ETV1: variants seen among roughly 807,000 people sequenced by gnomAD.
ETV1 encodes the protein ETS translocation variant 1.
ETV1 carries 27 observed loss-of-function variants against 62.3 expected under a neutral mutation model. That is an observed-to-expected ratio of 0.43 (90% confidence interval 0.32 to 0.60). ETV1 has a LOEUF of 0.60. Ranked by LOEUF, ETV1 falls within the 20% of genes least tolerant of loss-of-function variation. The probability of loss-of-function intolerance (pLI) is 0.06; values close to 1 mark genes in which losing one functional copy is unlikely to be tolerated. For missense variants in ETV1, 605 were observed against 605.8 expected (o/e 1.00, Z 0.01); for synonymous variants, 222 against 199.6 (o/e 1.11, Z -0.94).
At chr7:13,963,996 C>A (rs1790482536) in intron 6 of ETV1, among the ~76,000 whole-genome samples, 4 of 152,160 alleles carry the variant, frequency 2.6e-5, no homozygotes. Flanking sequence ...AATACAGGAA[C>A]ATGGAGATTT....
chr7:13,990,483 G>C (rs892625486), upstream of ETV1: 4 of 152,312 alleles, frequency 2.6e-5, no homozygotes, highest in East Asian at 1.9e-4. Flanking sequence ...GGGGTTGCTC[G>C]TATATCCTAG....
chr7:13,991,419 A>T (rs943264162), upstream of ETV1: 13 of 152,236 alleles, frequency 8.5e-5, no homozygotes, highest in Admixed American at 2.0e-4. Context: ...TCCCGCAGCC[A>T]ATAACGAGCC....
At chr7:13,984,164 G>A (rs910181387) in intron 5 of ETV1, among the ~76,000 whole-genome samples, 1 of 151,938 alleles carries the variant, frequency 6.6e-6, no homozygotes, top group African/African-American at 2.4e-5. Flanking sequence ...TAACTTCCCA[G>A]TGGAATTCTA....
chr7:13,985,682 C>T (rs1782480747), intron 5 of ETV1, among the ~76,000 whole-genome samples: 1 of 152,132 alleles, frequency 6.6e-6, no homozygotes, highest in African/African-American at 2.4e-5. Flanking sequence ...GTTATACACT[C>T]AATGCTTAAA....
At chr7:13,977,982 ATGCT>A (rs1271439403) in intron 5 of ETV1, among the ~76,000 whole-genome samples, 1 of 152,172 alleles carries the variant, frequency 6.6e-6, no homozygotes, top group Non-Finnish European at 1.5e-5. Context: ...ATATTTTAAG[ATGCT>A]TGCACTGAAT....
rs1305484989 is a variant in ETV1 at position 13,984,510 on chromosome 7, A to G, written c.181+2128T>C. On this transcript the variant is annotated intron_variant, in intron 5 of 13. Coordinates refer to ENST00000430479, the MANE Select transcript of ETV1 (RefSeq NM_004956.5). ...GTGGAGTCTAGAAACAAGAAGTTAA[A>G]AAGATCTCTTTTCTCACTATTAGGT... is the stretch of plus-strand genomic sequence containing the variant. Among the ~76,000 whole-genome samples the G allele has an allele frequency of 5.9e-5, 9 of 152,038 alleles. No homozygotes were observed. The East Asian group carries it at 1.7e-3, about 29-fold the overall frequency.
chr7:13,937,682 T>A lies in ETV1; in HGVS notation c.365+1435A>T, dbSNP rs146334305. Among the ~76,000 whole-genome samples, 678 of 152,328 alleles carry A rather than the reference T, an allele frequency of 4.5e-3. 2 individuals carry two copies. The highest frequency in any genetic ancestry group is 6.9e-3 in the Non-Finnish European group (469 of 68,034). ...TTATGCTGTGGATACACAGTACTTG[T>A]AAGGAGAAAATGCAAAAACAAAACT... On this transcript the variant is annotated intron_variant, in intron 7 of 13. Coordinates refer to ENST00000430479, the MANE Select transcript of ETV1 (RefSeq NM_004956.5).
chr7:13,989,100 T>G lies in ETV1; in HGVS notation c.-48A>C, dbSNP rs772377584. 2 of 1,520,914 alleles carry G rather than the reference T, an allele frequency of 1.3e-6. No homozygotes were observed. The highest frequency in any genetic ancestry group is 1.8e-6 in the Non-Finnish European group (2 of 1,112,304). The allele number at this position is 1,520,914 out of a possible 1,614,324, so 94.2% of individuals were successfully genotyped here. A position where few individuals can be genotyped will look rare whatever the true frequency, so the allele number is the denominator to read the frequency against. On this transcript the variant is annotated 5_prime_UTR_variant, in exon 3 of 14. It removes an upstream start codon present in the reference 5' UTR. Transcript: ENST00000430479. ...AGCTCAGTATTTTATATTTTGAGCA[T>G]TTAGCTGGAGATTTCCTCAGGATCT...
At chr7:13,954,654 G>C (rs543296641) in intron 6 of ETV1, among the ~76,000 whole-genome samples, 1 of 152,148 alleles carries the variant, frequency 6.6e-6, no homozygotes, top group East Asian at 1.9e-4. Context: ...ATGTAAAAAG[G>C]ATCTGTAGTT....
At chr7:13,906,944 C>T (rs1783034341) in intron 11 of ETV1, among the ~76,000 whole-genome samples, 1 of 151,864 alleles carries the variant, frequency 6.6e-6, no homozygotes, top group African/African-American at 2.4e-5. Flanking sequence ...GACTTCTTTG[C>T]TTTTATTGTT....
chr7:13,969,551 A>C (rs1208569371), intron 6 of ETV1, among the ~76,000 whole-genome samples: 1 of 152,146 alleles, frequency 6.6e-6, no homozygotes, highest in African/African-American at 2.4e-5. Context: ...GCACTCCACG[A>C]AAGGCCTGCA....
chr7:13,929,504 T>G (rs942567628), intron 9 of ETV1, among the ~76,000 whole-genome samples: 1 of 152,120 alleles, frequency 6.6e-6, no homozygotes, highest in African/African-American at 2.4e-5. Context: ...TAGTACCCAG[T>G]CTTCAGATCC....
intron 13 of ETV1, among the ~76,000 whole-genome samples, chr7:13,897,224 T>G (rs576152314): frequency 6.6e-6 from 1 of 152,114 alleles, no homozygotes; most frequent in South Asian, 2.1e-4. Flanking sequence ...TGTGTAAAGG[T>G]ATGAGATTTT....
intron 6 of ETV1, among the ~76,000 whole-genome samples, chr7:13,968,089 T>C (rs968918396): frequency 7.2e-5 from 11 of 152,066 alleles, no homozygotes; most frequent in African/African-American, 2.2e-4. Context: ...AAAATAATTA[T>C]TTAATATGAG....
rs191847239 is a variant in ETV1, at chr7:13,900,989, C to G, written c.1111-150G>C. On this transcript the variant is annotated intron_variant, in intron 12 of 13. Coordinates refer to ENST00000430479, the MANE Select transcript of ETV1 (RefSeq NM_004956.5). The stretch of plus-strand genomic sequence containing the variant: ...GCAAGAGCTATCGTAATCTGGATTT[C>G]CTGTCTCCTGGTTTGCTTTTTTTTT... 2.8e-4 allele frequency: 149 copies of G among 524,386 alleles called. No individual in the cohort carries two copies. In the East Asian group the frequency reaches 4.5e-3, roughly 16 times the overall value. 32.5% of individuals were successfully genotyped at this position (524,386 alleles called of 1,614,324 possible).
intron 6 of ETV1, among the ~76,000 whole-genome samples, chr7:13,958,225 C>T (rs1477172904): frequency 6.6e-6 from 1 of 151,826 alleles, no homozygotes; most frequent in African/African-American, 2.4e-5. Context: ...TTTTTTCTTT[C>T]CACTTTCTCC....
chr7:13,893,984 G>A lies in ETV1; in HGVS notation c.*1882C>T. 4.3e-6 allele frequency: 1 copy of A among 233,024 alleles called. No individual in the cohort carries two copies. Among genetic ancestry groups the A allele is most frequent in the Non-Finnish European group, 8.5e-6 (1 of 117,860 alleles). 14.4% of individuals were successfully genotyped at this position (233,024 alleles called of 1,614,324 possible). On this transcript the variant is annotated 3_prime_UTR_variant, in exon 14 of 14. Transcript: ENST00000430479. ...CTTTTTGTAGGATTAAATGTGAAGA[G>A]TAGCAATTTTGGTGTTTGGGTTTCT...
intron 12 of ETV1, among the ~76,000 whole-genome samples, chr7:13,904,851 G>T (rs1167542287): frequency 6.6e-6 from 1 of 151,234 alleles, no homozygotes; most frequent in Non-Finnish European, 1.5e-5. Flanking sequence ...CATTTTTGTG[G>T]TTCTTTCACT....
chr7:13,930,506 A>G (rs1432777063), intron 9 of ETV1, among the ~76,000 whole-genome samples: 6 of 151,690 alleles, frequency 4.0e-5, no homozygotes, highest in Non-Finnish European at 5.9e-5. Context: ...TGTTTTTAGT[A>G]CAGACAGGGT....
Sources: gnomAD v4.1 joint callset for allele counts (sites outside exome capture counted in the v4.1 genomes callset) on GRCh38, gnomAD v4.1.1 for gene constraint, MANE v1.5 for transcripts, NCBI Gene and HGNC (gene_info 2026-07-23, HGNC 2026-07-21) for gene names.